Variants in GFRA2 observed in about 807,000 individuals in gnomAD.
The protein encoded by GFRA2 is GDNF family receptor alpha 2.
In GFRA2, 17 loss-of-function variants were observed where a neutral mutation model predicts 48.3. The observed-to-expected ratio is 0.35, with a 90% CI of 0.24 to 0.53. The LOEUF is 0.53. GFRA2 is among the 20% of genes least tolerant of loss of function. The pLI, the probability that GFRA2 is intolerant of heterozygous loss-of-function variation, is 0.93. For synonymous variants in GFRA2, 305 were observed against 257.2 expected (o/e 1.19, Z -1.78); for missense variants, 660 against 637.3 (o/e 1.04, Z -0.38).
intron 6 of GFRA2, among the ~76,000 whole-genome samples, chr8:21,703,206 C>T (rs1263925542): frequency 6.6e-6 from 1 of 152,018 alleles, no homozygotes; most frequent in African/African-American, 2.4e-5. Context: ...ACACAGAAGC[C>T]AGAATAGCAA....
intron 6 of GFRA2, 43 bp from the exon 7 acceptor site, chr8:21,703,020 C>G: frequency 7.9e-7 from 1 of 1,272,744 alleles, no homozygotes; most frequent in South Asian, 1.6e-5. Flanking sequence ...TCAGAACCCA[C>G]GTCCGTCACT....
intron 4 of GFRA2, among the ~76,000 whole-genome samples, chr8:21,744,680 C>A (rs6587004): frequency 6.6e-6 from 1 of 151,214 alleles, no homozygotes; most frequent in African/African-American, 2.4e-5. Context: ...ACTGTGGGGG[C>A]TGGAATGAAT....
At chr8:21,791,218 T>C (rs1807567910), upstream of GFRA2, among the ~76,000 whole-genome samples, 1 of 152,174 alleles carries the variant, frequency 6.6e-6, no homozygotes, top group South Asian at 2.1e-4. Flanking sequence ...AAAATGGGGC[T>C]GAGAAAGCAG....
At chr8:21,739,713 A>G (rs1453743709) in intron 4 of GFRA2, among the ~76,000 whole-genome samples, 1 of 151,756 alleles carries the variant, frequency 6.6e-6, no homozygotes, top group Non-Finnish European at 1.5e-5. Flanking sequence ...GCCACGGGAA[A>G]GGCCACATCC....
chr8:21,785,672 C>T (rs892947253), intron 1 of GFRA2, among the ~76,000 whole-genome samples: 3 of 152,226 alleles, frequency 2.0e-5, no homozygotes, highest in Middle Eastern at 3.2e-3. Flanking sequence ...AAGTGGCCCC[C>T]TCTGGCCAGC....
At chr8:21,755,656 C>T (rs577473563) in intron 3 of GFRA2, among the ~76,000 whole-genome samples, 3 of 151,734 alleles carry the variant, frequency 2.0e-5, no homozygotes, top group Non-Finnish European at 4.4e-5. Context: ...GGGGAGGGGT[C>T]CTGGAAGCAG....
chr8:21,784,382 C>T (rs1807163502), intron 1 of GFRA2: 4 of 455,818 alleles, frequency 8.8e-6, no homozygotes, highest in South Asian at 3.1e-5. Context: ...GACTCCATCT[C>T]GCCTCAGAAC....
At chr8:21,696,904 G>C (rs1464839830) in intron 7 of GFRA2, among the ~76,000 whole-genome samples, 1 of 130,496 alleles carries the variant, frequency 7.7e-6, no homozygotes, top group Non-Finnish European at 1.7e-5. Context: ...GACAGAGTGA[G>C]AGGAGAGGGG....
intron 7 of GFRA2, 22 bp downstream of exon 7, chr8:21,702,783 C>A: frequency 6.4e-7 from 1 of 1,567,742 alleles, no homozygotes; most frequent in African/African-American, 1.4e-5. Context: ...GCTCCCCCCA[C>A]GCCTCAGCCA....
chr8:21,706,706 G>A (rs563261480), intron 4 of GFRA2, among the ~76,000 whole-genome samples: 3 of 152,148 alleles, frequency 2.0e-5, no homozygotes, highest in South Asian at 2.1e-4. Context: ...ACGGTAACAC[G>A]CCGCCACCCA....
Position 21,788,799 on chromosome 8 carries a change from T to G in GFRA2, c.-640A>C. The G allele has an allele frequency of 1.0e-6, 1 of 985,352 alleles. No individual in the cohort carries two copies. Among genetic ancestry groups the G allele is most frequent in the Non-Finnish European group, 1.2e-6 (1 of 829,930 alleles). 61.0% of individuals were successfully genotyped at this position (985,352 alleles called of 1,614,324 possible). On this transcript the variant is annotated 5_prime_UTR_variant, in exon 1 of 9. Coordinates refer to ENST00000524240, the MANE Select transcript of GFRA2 (RefSeq NM_001495.5). ...ATTCCAGTGACCGTGTGTCTCTGCG[T>G]GCGTGTGTCTTTCTCTCTCCTCTCT...
chr8:21,800,637 A>G (rs1257669092), intron 2 of GFRA2, among the ~76,000 whole-genome samples: 1 of 152,204 alleles, frequency 6.6e-6, no homozygotes, highest in Non-Finnish European at 1.5e-5. Context: ...TAAGAGTTCA[A>G]CAGGGGGCCA....
intron 7 of GFRA2, among the ~76,000 whole-genome samples, chr8:21,702,128 G>T (rs1478498615): frequency 6.6e-6 from 1 of 152,216 alleles, no homozygotes; most frequent in East Asian, 1.9e-4. Context: ...CAAGCCCCCT[G>T]CTTGCAGCCA....
In GFRA2 at chr8:21,750,503, C is replaced by G; in HGVS notation, c.794+85G>C. 4.0e-6 allele frequency: 3 copies of G among 743,172 alleles called. No homozygotes were observed. Among genetic ancestry groups the G allele is most frequent in the Non-Finnish European group, 6.7e-6 (3 of 446,066 alleles). 46.0% of individuals were successfully genotyped at this position (743,172 alleles called of 1,614,324 possible). A position where few individuals can be genotyped will look rare whatever the true frequency, so the allele number is the denominator to read the frequency against. The stretch of plus-strand genomic sequence containing the variant: ...GGACTCAGGGTCATAATTCGATGCA[C>G]CCAAGGAATGCAGAGAAAGGAAAAC... On this transcript the variant is annotated intron_variant, in intron 4 of 8. Transcript: ENST00000524240. This position sits in a 1 kb window ranked among gnomAD's most constrained non-coding sequence, Gnocchi z 5.7.
intron 4 of GFRA2, among the ~76,000 whole-genome samples, chr8:21,749,929 T>C (rs1805195860): frequency 6.6e-6 from 1 of 152,126 alleles, no homozygotes; most frequent in South Asian, 2.1e-4. Flanking sequence ...GGTCCAAAGC[T>C]TAGCGCAGAG....
intron 1 of GFRA2, among the ~76,000 whole-genome samples, chr8:21,783,545 C>A (rs1287403617): frequency 6.6e-6 from 1 of 152,148 alleles, no homozygotes; most frequent in Non-Finnish European, 1.5e-5. Flanking sequence ...CTCTGACTCT[C>A]ATTCTGACTT....
At chr8:21,778,192 G>A (rs1806804290) in intron 2 of GFRA2, among the ~76,000 whole-genome samples, 1 of 149,882 alleles carries the variant, frequency 6.7e-6, no homozygotes. Context: ...CCTGCATCAG[G>A]TTATTAAATG....
At chr8:21,793,866 GT>G (rs770753159), upstream of GFRA2, among the ~76,000 whole-genome samples, 9,455 of 135,256 alleles carry the variant, frequency 0.07, 793 homozygotes, top group African/African-American at 0.22. Context: ...GAGAATCAAA[GT>G]TTTTTTTTTT....
chr8:21,806,085 C>A (rs908533045), intron 1 of GFRA2, among the ~76,000 whole-genome samples: 2 of 152,192 alleles, frequency 1.3e-5, no homozygotes, highest in African/African-American at 4.8e-5. Flanking sequence ...CCCAGCTCTT[C>A]ATCTACCCTA....
Sources: gnomAD v4.1 joint callset for allele counts (sites outside exome capture counted in the v4.1 genomes callset) on GRCh38, gnomAD v4.1.1 for gene constraint, Gnocchi (gnomAD v3.1) non-coding constraint, MANE v1.5 for transcripts, NCBI Gene and HGNC (gene_info 2026-07-23, HGNC 2026-07-21) for gene names.